The following SHROOM3 variants were observed in gnomAD, a reference collection of about 807,000 sequenced individuals.
The protein encoded by SHROOM3 is protein Shroom3.
Under a neutral mutation model 138.6 loss-of-function variants are expected in SHROOM3, and 47 were observed. The observed-to-expected ratio is 0.34, with a 90% CI of 0.27 to 0.43. The LOEUF is 0.43. Ranked by LOEUF, SHROOM3 falls within the 20% of genes least tolerant of loss-of-function variation. The probability of loss-of-function intolerance (pLI) is 1.00; values close to 1 mark genes in which losing one functional copy is unlikely to be tolerated. For missense variants in SHROOM3, 2,491 were observed against 2,596.5 expected (o/e 0.96, Z 0.88); for synonymous variants, 1,062 against 1,063.3 (o/e 1.00, Z 0.02).
intron 9 of SHROOM3, among the ~76,000 whole-genome samples, chr4:76,761,114 A>G (rs1473797569): frequency 2.0e-5 from 3 of 151,990 alleles, no homozygotes; most frequent in African/African-American, 7.3e-5. Context: ...GGCTTGCTGT[A>G]TGATTGTATG....
intron 2 of SHROOM3, among the ~76,000 whole-genome samples, chr4:76,692,643 A>G (rs2110108664): frequency 6.6e-6 from 1 of 152,348 alleles, no homozygotes; most frequent in East Asian, 1.9e-4. Flanking sequence ...GGGTAAAGAA[A>G]CAGTGGCACA....
At chr4:76,615,211 G>A (rs1490746126) in intron 2 of SHROOM3, among the ~76,000 whole-genome samples, 8 of 152,228 alleles carry the variant, frequency 5.3e-5, no homozygotes, top group African/African-American at 1.7e-4. Context: ...TCCCAAAATC[G>A]TCCCTTTGCT....
intron 2 of SHROOM3, among the ~76,000 whole-genome samples, chr4:76,660,847 G>T (rs986476198): frequency 6.6e-6 from 1 of 152,010 alleles, no homozygotes; most frequent in Non-Finnish European, 1.5e-5. Flanking sequence ...CTGTCACCCA[G>T]GCTGAAGTGC....
chr4:76,475,214 AAAG>A (rs1731462357), intron 1 of SHROOM3, among the ~76,000 whole-genome samples: 1 of 152,184 alleles, frequency 6.6e-6, no homozygotes, highest in Non-Finnish European at 1.5e-5. Flanking sequence ...ATTTCATAGG[AAAG>A]AGGTGATAGA....
In SHROOM3 at chr4:76,750,376, G is replaced by C. The variant is rs142703228; in HGVS notation, c.3827+1286G>C. The stretch of plus-strand genomic sequence containing the variant: ...TGTCCTTTGCAGCAACATGGATGGA[G>C]CTGAAGGCCATTATCCTAAGCAAAT... On this transcript the variant is annotated intron_variant, in intron 6 of 10. Transcript: ENST00000296043. Among the ~76,000 whole-genome samples the C allele has an allele frequency of 3.7e-3, 562 of 152,286 alleles. 3 individuals carry two copies. Among genetic ancestry groups the C allele is most frequent in the African/African-American group, 0.01 (430 of 41,554 alleles).
At chr4:76,491,570 G>A (rs1731850453) in intron 1 of SHROOM3, among the ~76,000 whole-genome samples, 1 of 152,132 alleles carries the variant, frequency 6.6e-6, no homozygotes, top group African/African-American at 2.4e-5. Context: ...TCCTGCTTTG[G>A]GTTTCAAATG....
Position 76,672,591 on chromosome 4 carries a change from T to G in SHROOM3, c.324-37565T>G, listed in dbSNP as rs938879575. Among the ~76,000 whole-genome samples, 9 of 152,244 alleles carry G rather than the reference T, an allele frequency of 5.9e-5. No homozygotes were observed. The East Asian group carries it at 1.4e-3, about 23-fold the overall frequency. On this transcript the variant is annotated intron_variant, in intron 2 of 10. Transcript: ENST00000296043. ...GGATACATGCATTTTTTTTGTTTTT[T>G]AGACCAAGTCTCGCTCTGTCACCCA...
chr4:76,665,952 C>T (rs1342415000), intron 2 of SHROOM3, among the ~76,000 whole-genome samples: 6 of 152,182 alleles, frequency 3.9e-5, no homozygotes, highest in Non-Finnish European at 8.8e-5. Flanking sequence ...TCAGTGCTGA[C>T]CTACCTGACC....
chr4:76,671,542 T>C (rs1334629050), intron 2 of SHROOM3, among the ~76,000 whole-genome samples: 1 of 152,216 alleles, frequency 6.6e-6, no homozygotes, highest in East Asian at 1.9e-4. Flanking sequence ...GCCCTCTTCA[T>C]TCTCTTTGCT....
intron 2 of SHROOM3, among the ~76,000 whole-genome samples, chr4:76,693,429 G>A (rs2110109241): frequency 7.6e-6 from 1 of 130,808 alleles, no homozygotes; most frequent in South Asian, 2.5e-4. Flanking sequence ...TGTTGCCCAG[G>A]CTGGAGTGCA....
chr4:76,507,413 T>A (rs150079228), intron 1 of SHROOM3, among the ~76,000 whole-genome samples: 1 of 152,212 alleles, frequency 6.6e-6, no homozygotes, highest in African/African-American at 2.4e-5. Flanking sequence ...CTTGTTATTA[T>A]GTCTTTTTGA....
chr4:76,750,827 CTT>C (rs1413000942), intron 6 of SHROOM3, among the ~76,000 whole-genome samples: 1 of 150,558 alleles, frequency 6.6e-6, no homozygotes, highest in Non-Finnish European at 1.5e-5. Context: ...AAAAAAAAAA[CTT>C]TCTGAGCTGT....
At chr4:76,540,781 C>G (rs1048788666) in intron 1 of SHROOM3, among the ~76,000 whole-genome samples, 1 of 151,938 alleles carries the variant, frequency 6.6e-6, no homozygotes, top group Non-Finnish European at 1.5e-5. Context: ...TCTCCCAGAC[C>G]AGGAGTAGGG....
At chr4:76,767,851 GA>G (rs894698019) in intron 9 of SHROOM3, among the ~76,000 whole-genome samples, 2 of 152,060 alleles carry the variant, frequency 1.3e-5, no homozygotes, top group African/African-American at 4.8e-5. Flanking sequence ...AAAACAGGCT[GA>G]AAAAAACCAC....
chr4:76,442,927 A>G (rs1730725974), intron 1 of SHROOM3, among the ~76,000 whole-genome samples: 1 of 152,214 alleles, frequency 6.6e-6, no homozygotes, highest in Non-Finnish European at 1.5e-5. Context: ...TAGAGAGGAT[A>G]TTCTTAAAAA....
intron 2 of SHROOM3, among the ~76,000 whole-genome samples, chr4:76,596,446 C>T (rs1273000262): frequency 6.6e-6 from 1 of 152,120 alleles, no homozygotes; most frequent in East Asian, 1.9e-4. Flanking sequence ...TGTATAACAT[C>T]TGGGTTTGTG....
At chr4:76,628,668 T>G (rs1009069768) in intron 2 of SHROOM3, among the ~76,000 whole-genome samples, 4 of 152,186 alleles carry the variant, frequency 2.6e-5, no homozygotes, top group African/African-American at 9.6e-5. Flanking sequence ...ATGTTAAACA[T>G]AACTATTTTA....
At chr4:76,700,653 T>C (rs1215296687) in intron 2 of SHROOM3, among the ~76,000 whole-genome samples, 1 of 152,164 alleles carries the variant, frequency 6.6e-6, no homozygotes, top group African/African-American at 2.4e-5. Flanking sequence ...CCTAATCCAA[T>C]GTGTGGCCTG....
At chr4:76,449,453 C>A (rs1427575423) in intron 1 of SHROOM3, among the ~76,000 whole-genome samples, 1 of 152,166 alleles carries the variant, frequency 6.6e-6, no homozygotes, top group Non-Finnish European at 1.5e-5. Context: ...CTACCCTGCC[C>A]TTGAAATAAC....
Sources: allele counts gnomAD v4.1 joint callset (sites outside exome capture counted in the v4.1 genomes callset), GRCh38; gene constraint gnomAD v4.1.1; transcripts MANE v1.5; gene names NCBI Gene and HGNC (gene_info 2026-07-23, HGNC 2026-07-21).